PLA2G6: variants seen among roughly 807,000 people sequenced by gnomAD.
PLA2G6 encodes 85/88 kDa calcium-independent phospholipase A2.
A neutral mutation model predicts 83.8 loss-of-function variants in PLA2G6; 62 were observed. The ratio of observed to expected loss-of-function variants is 0.74; its 90% CI spans 0.60 to 0.91. The LOEUF is 0.91. PLA2G6 is among the 40% of genes least tolerant of loss of function. The pLI is 0.00. For missense variants in PLA2G6, 944 were observed against 1,102.0 expected, an observed-to-expected ratio of 0.86 and a Z score of 2.03; for synonymous variants, 417 against 449.8, an observed-to-expected ratio of 0.93 and a Z score of 0.92.
intron 1 of PLA2G6, among the ~76,000 whole-genome samples, chr22:38,174,847 T>C (rs1335298505): frequency 6.6e-6 from 1 of 152,112 alleles, no homozygotes; most frequent in Non-Finnish European, 1.5e-5. Flanking sequence ...GAGCCACTTG[T>C]CCAGGGCTGC....
At position 38,132,872 on chromosome 22, in the gene PLA2G6, G is replaced by A. The variant is rs775645331; in HGVS notation, c.1036C>T (p.Arg346Cys). 56 of 1,553,028 alleles carry A rather than the reference G, an allele frequency of 3.6e-5. No homozygotes were observed. The South Asian group carries it at 5.2e-4, about 14-fold the overall frequency. The change falls in exon 7 of 17, where the codon CGC becomes TGC. Residue 346 changes from arginine (R) to cysteine (C), a missense_variant. Coordinates refer to ENST00000332509, the MANE Select transcript of PLA2G6 (RefSeq NM_003560.4). The surrounding 1 kb of genome is among the most constrained non-coding windows in gnomAD (Gnocchi z 5.0). ...LLTHGANADARGEHGNTPLHL... is the reference protein window; with the variant it reads ...LLTHGANADACGEHGNTPLHL... ...AGCGGGGTGTTGCCGTGCTCTCCGC[G>A]GGCATCCGCGTTGGCCCCGTGGGTC...
intron 1 of PLA2G6, among the ~76,000 whole-genome samples, chr22:38,176,282 A>G (rs2090627538): frequency 1.3e-5 from 2 of 152,124 alleles, no homozygotes; most frequent in African/African-American, 4.8e-5. Flanking sequence ...CTTCTTGACT[A>G]AGCCGAGAGC....
Position 38,145,469 on chromosome 22 carries a change from G to A in PLA2G6, c.394C>T (p.Arg132Cys), listed in dbSNP as rs1219753283. ...ATACGGCTGTGATGGAAGCACTCGCGGATCCCTAGCTCCACAGCCAGGTGG... is the reference window on the plus strand; with the variant it reads ...ATACGGCTGTGATGGAAGCACTCGCAGATCCCTAGCTCCACAGCCAGGTGG... ...VAHLAVELGI[R>C]ECFHHSRIIS... is the part of the protein sequence containing the mutation. The change falls in exon 3 of 17, where the codon CGC becomes TGC. Residue 132 changes from arginine (R) to cysteine (C), a missense_variant. Transcript: ENST00000332509. 1.4e-5 allele frequency: 22 copies of A among 1,610,978 alleles called. No individual in the cohort carries two copies. Among genetic ancestry groups the A allele is most frequent in the Admixed American group, 6.7e-5 (4 of 59,510 alleles).
chr22:38,145,829 A>ACC, intron 2 of PLA2G6, 176 bp from the exon 3 acceptor site: 1 of 602,320 alleles, frequency 1.7e-6, no homozygotes, highest in South Asian at 1.7e-5. Flanking sequence ...ACACACACAC[A>ACC]CACACCCCTA....
chr22:38,150,969 C>T (rs1427739148), intron 2 of PLA2G6, among the ~76,000 whole-genome samples: 2 of 151,976 alleles, frequency 1.3e-5, no homozygotes, highest in East Asian at 1.9e-4. Flanking sequence ...TGCCTGTAGC[C>T]CCAGCTACTC....
chr22:38,174,693 C>T (rs28653361), intron 1 of PLA2G6, among the ~76,000 whole-genome samples: 2 of 151,900 alleles, frequency 1.3e-5, no homozygotes, highest in South Asian at 2.1e-4. Context: ...GATCAGAACA[C>T]GGAGGAAGGC....
chr22:38,156,019 G>A (rs559893603), intron 2 of PLA2G6, among the ~76,000 whole-genome samples: 2 of 152,206 alleles, frequency 1.3e-5, no homozygotes, highest in Non-Finnish European at 2.9e-5. Flanking sequence ...AATAAGAGCA[G>A]GAATAGCTAT....
intron 14 of PLA2G6, among the ~76,000 whole-genome samples, chr22:38,114,181 CTTTTT>C (rs892300892): frequency 7.3e-6 from 1 of 137,588 alleles, no homozygotes; most frequent in Non-Finnish European, 1.6e-5. Flanking sequence ...TGGGTGCTGC[CTTTTT>C]TTTTTTTTTT....
intron 7 of PLA2G6, chr22:38,131,140 T>G (rs2088186961): frequency 6.6e-6 from 1 of 152,214 alleles, no homozygotes; most frequent in African/African-American, 2.4e-5. Flanking sequence ...AAGTAAGACC[T>G]GGGGACCCCT....
intron 1 of PLA2G6, among the ~76,000 whole-genome samples, chr22:38,180,639 C>A (rs2090810840): frequency 6.6e-6 from 1 of 152,168 alleles, no homozygotes; most frequent in Admixed American, 6.5e-5. Context: ...TCATTCTAGC[C>A]CTTTCCCTTT....
In PLA2G6 at chr22:38,113,537, C is replaced by A; in HGVS notation, c.2152G>T (p.Ala718Ser). The A allele has an allele frequency of 1.2e-6, 2 of 1,614,058 alleles. No homozygotes were observed. Among genetic ancestry groups the A allele is most frequent in the Non-Finnish European group, 8.5e-7 (1 of 1,180,028 alleles). Residue 718 changes from alanine (A) to serine (S), a missense_variant, in exon 15 of 17, where the codon GCC (alanine) becomes TCC (serine). Physicochemically the swap from Ala to Ser is moderately conservative, Grantham distance 99 (BLOSUM62 1). Coordinates refer to ENST00000332509, the MANE Select transcript of PLA2G6 (RefSeq NM_003560.4). ...VFRPSNPWELAKTVFGAKELG... is the reference protein window; with the variant it reads ...VFRPSNPWELSKTVFGAKELG... ...TCCTTGGCCCCAAAAACAGTCTTGG[C>A]CAGCTCCCAGGGGTTGCTGGGACGG... is the stretch of plus-strand genomic sequence containing the variant.
chr22:38,127,441 C>T (rs1301605243), intron 9 of PLA2G6: 1 of 1,332,070 alleles, frequency 7.5e-7, no homozygotes, highest in Non-Finnish European at 1.0e-6. Flanking sequence ...CACCATCCGG[C>T]CTGGCTTGGG....
chr22:38,140,571 G>A (rs2088845593), intron 4 of PLA2G6: 1 of 256,692 alleles, frequency 3.9e-6, no homozygotes. Context: ...GGGAGGGAAG[G>A]GGTCGACCTG....
chr22:38,132,861 G>T lies in PLA2G6; in HGVS notation c.1047C>A (p.His349Gln), dbSNP rs1037506850. 2 of 1,551,388 alleles carry T rather than the reference G, an allele frequency of 1.3e-6. No individual in the cohort carries two copies. The highest frequency in any genetic ancestry group is 1.7e-6 in the Non-Finnish European group (2 of 1,148,994). Reference sequence around the variant, plus strand: ...TGGCCAGGTGCAGCGGGGTGTTGCCGTGCTCTCCGCGGGCATCCGCGTTGG... The same window carrying T: ...TGGCCAGGTGCAGCGGGGTGTTGCCTTGCTCTCCGCGGGCATCCGCGTTGG... ...HGANADARGE[H>Q]GNTPLHLAMS... Residue 349 changes from histidine (H) to glutamine (Q), a missense_variant, in exon 7 of 17, where the codon CAC (histidine) becomes CAA (glutamine). His to Gln is a conservative substitution (Grantham distance 24, BLOSUM62 0). Coordinates refer to ENST00000332509, the MANE Select transcript of PLA2G6 (RefSeq NM_003560.4). The surrounding 1 kb of genome is among the most constrained non-coding windows in gnomAD (Gnocchi z 5.0).
intron 5 of PLA2G6, chr22:38,136,856 C>G (rs2088584967): frequency 6.6e-6 from 1 of 151,448 alleles, no homozygotes; most frequent in Non-Finnish European, 1.5e-5. Context: ...CTCTCTAAGC[C>G]CTGGTTTCCT....
At position 38,145,514 on chromosome 22, in the gene PLA2G6, G is replaced by A. The variant is rs368912554; in HGVS notation, c.349C>T (p.His117Tyr). Reference protein sequence around the residue: ...LQHLTDLIRNHPSWSVAHLAV... With the variant: ...LQHLTDLIRNYPSWSVAHLAV... ...AGGTGGGCCACTGACCAGCTGGGGTGGTTACGGATGAGGTCGGTCAGGTGC... is the reference window on the plus strand; with the variant it reads ...AGGTGGGCCACTGACCAGCTGGGGTAGTTACGGATGAGGTCGGTCAGGTGC... The change falls in exon 3 of 17, where the codon CAC (histidine) becomes TAC (tyrosine). Residue 117 changes from histidine (H) to tyrosine (Y), a missense_variant. Transcript: ENST00000332509. The A allele has an allele frequency of 6.2e-7, 1 of 1,613,168 alleles. No individual in the cohort carries two copies. Among genetic ancestry groups the A allele is most frequent in the Non-Finnish European group, 8.5e-7 (1 of 1,179,802 alleles).
chr22:38,158,715 G>A (rs538554744), intron 2 of PLA2G6, among the ~76,000 whole-genome samples: 1 of 152,238 alleles, frequency 6.6e-6, no homozygotes, highest in South Asian at 2.1e-4. Context: ...AGGTGTTCTT[G>A]AAAAGAATGT....
At position 38,123,084 on chromosome 22, in the gene PLA2G6, G is replaced by T. The variant is rs587784335; in HGVS notation, c.1591+11C>A. ...GCCCCGCCTGGCCCCATCCCCAGGG[G>T]CCGCCCTCACTGTGCAGAATGGCCA... is the stretch of plus-strand genomic sequence containing the variant. On this transcript the variant is annotated intron_variant, in intron 11 of 16. Coordinates refer to ENST00000332509, the MANE Select transcript of PLA2G6 (RefSeq NM_003560.4). This position sits in a 1 kb window ranked among gnomAD's most constrained non-coding sequence, Gnocchi z 4.1. 1 of 1,547,558 alleles carries T rather than the reference G, an allele frequency of 6.5e-7. No individual in the cohort carries two copies. Among genetic ancestry groups the T allele is most frequent in the Non-Finnish European group, 8.7e-7 (1 of 1,146,808 alleles).
intron 1 of PLA2G6, among the ~76,000 whole-genome samples, chr22:38,181,293 G>A (rs1433708156): frequency 6.6e-6 from 1 of 152,186 alleles, no homozygotes; most frequent in African/African-American, 2.4e-5. Context: ...GGAAAGGCAG[G>A]AGAAGCAGGG....
Sources: gnomAD v4.1 joint callset for allele counts (sites outside exome capture counted in the v4.1 genomes callset) on GRCh38, gnomAD v4.1.1 for gene constraint, Gnocchi (gnomAD v3.1) non-coding constraint, MANE v1.5 for transcripts, NCBI Gene and HGNC (gene_info 2026-07-23, HGNC 2026-07-21) for gene names.